Variants in HSPG2 observed in about 807,000 individuals in gnomAD.
HSPG2 encodes the protein heparan sulfate proteoglycan 2, also known as basement membrane-specific heparan sulfate proteoglycan core protein.
A neutral mutation model predicts 526.6 loss-of-function variants in HSPG2; 278 were observed. The ratio of observed to expected loss-of-function variants is 0.53; its 90% CI spans 0.48 to 0.58. The LOEUF (loss-of-function observed/expected upper bound fraction) is 0.58. Among genes scored for constraint, HSPG2 ranks in the 20% least tolerant of loss-of-function variants. HSPG2 has a pLI of 0.00. For synonymous variants in HSPG2, 2,465 were observed against 2,555.4 expected (o/e 0.96, Z 1.07); for missense variants, 5,354 against 6,099.5 (o/e 0.88, Z 4.07).
chr1:21,842,221 G>A lies in HSPG2; in HGVS notation c.9052+18C>T, dbSNP rs926308572. The A allele has an allele frequency of 1.2e-6, 2 of 1,613,236 alleles. No individual in the cohort carries two copies. Among genetic ancestry groups the A allele is most frequent in the African/African-American group, 1.3e-5 (1 of 75,054 alleles). ...GGCCCTCCCTTCCCCCCTTGCCCAT[G>A]GCATCTGCCATACTCACGGTAGGAA... On this transcript the variant is annotated intron_variant, in intron 68 of 96. Transcript: ENST00000374695.
Position 21,890,780 on chromosome 1 carries a change from G to A in HSPG2, c.245-86C>T, listed in dbSNP as rs996758171. On this transcript the variant is annotated intron_variant, in intron 3 of 96. Coordinates refer to ENST00000374695, the MANE Select transcript of HSPG2 (RefSeq NM_005529.7). The surrounding 1 kb of genome is among the most constrained non-coding windows in gnomAD (Gnocchi z 4.1). ...AGTTGGACCATTCAGGCAGAGTTGG[G>A]GGGATGGCCCCCAGAGGCCTCCCTC... 3 of 1,014,104 alleles carry A rather than the reference G, an allele frequency of 3.0e-6. No homozygotes were observed. The highest frequency in any genetic ancestry group is 4.6e-6 in the Non-Finnish European group (3 of 653,900). The allele number at this position is 1,014,104 out of a possible 1,614,324, so 62.8% of individuals were successfully genotyped here. A position where few individuals can be genotyped will look rare whatever the true frequency, so the allele number is the denominator to read the frequency against.
In HSPG2 at chr1:21,873,819, G is replaced by A. The variant is rs928782702; in HGVS notation, c.3743+106C>T. On this transcript the variant is annotated intron_variant, in intron 29 of 96. Coordinates refer to ENST00000374695, the MANE Select transcript of HSPG2 (RefSeq NM_005529.7). ...CTGGGGCCTGTGCGAGGTTAAGAGC[G>A]AGAGGCATCCCTGATTCCTCTGGGT... 19 of 944,744 alleles carry A rather than the reference G, an allele frequency of 2.0e-5. No individual in the cohort carries two copies. In the Admixed American group the frequency reaches 3.3e-4, roughly 17 times the overall value. The allele number at this position is 944,744 out of a possible 1,614,324, so 58.5% of individuals were successfully genotyped here. A position where few individuals can be genotyped will look rare whatever the true frequency, so the allele number is the denominator to read the frequency against.
rs1418143122 is a variant in HSPG2 at position 21,904,353 on chromosome 1, C to T, written c.64-8043G>A. ...GGAAGGGCACACGCTGAGGCCAGGGCTGGAGAGGGCACGGCACGTTCGCGG... is the reference window on the plus strand; with the variant it reads ...GGAAGGGCACACGCTGAGGCCAGGGTTGGAGAGGGCACGGCACGTTCGCGG... On this transcript the variant is annotated intron_variant, in intron 1 of 96. Transcript: ENST00000374695. This position sits in a 1 kb window ranked among gnomAD's most constrained non-coding sequence, Gnocchi z 4.4. Among the ~76,000 whole-genome samples the T allele has an allele frequency of 1.3e-5, 2 of 152,062 alleles. No individual in the cohort carries two copies. The highest frequency in any genetic ancestry group is 2.4e-5 in the African/African-American group (1 of 41,394).
chr1:21,827,809 A>G, intron 91 of HSPG2, 54 bp downstream of exon 91: 1 of 1,527,002 alleles, frequency 6.5e-7, no homozygotes, highest in Non-Finnish European at 8.9e-7. Flanking sequence ...GTGTGGGGTA[A>G]CTGGAAGAGT....
chr1:21,855,480 G>T (rs1473468120), intron 46 of HSPG2, 34 bp from the exon 47 acceptor site: 1 of 1,612,392 alleles, frequency 6.2e-7, no homozygotes, highest in Non-Finnish European at 8.5e-7. Flanking sequence ...CACGCCCTGG[G>T]CTGAGCACAC....
chr1:21,839,040 G>A lies in HSPG2; in HGVS notation c.9935C>T (p.Ala3312Val). 6.3e-7 allele frequency: 1 copy of A among 1,599,698 alleles called. No individual in the cohort carries two copies. Among genetic ancestry groups the A allele is most frequent in the Non-Finnish European group, 8.6e-7 (1 of 1,168,786 alleles). The change falls in exon 74 of 97, where the codon GCA becomes GTA. Residue 3312 changes from alanine (A) to valine (V), a missense_variant. By Grantham distance (64) the Ala-to-Val change is moderately conservative (BLOSUM62 0). Transcript: ENST00000374695. The surrounding 1 kb of genome is among the most constrained non-coding windows in gnomAD (Gnocchi z 4.5). Reference sequence around the variant, plus strand: ...GCACTGGAGCTGCACCGTCTCCCCTGCCTGCACCGAAGCGTGCTCTGGGAC... The same window carrying A: ...GCACTGGAGCTGCACCGTCTCCCCTACCTGCACCGAAGCGTGCTCTGGGAC... ...TTVPEHASVQ[A>V]GETVQLQCLA...
At chr1:21,905,624 C>A (rs1220123842) in intron 1 of HSPG2, among the ~76,000 whole-genome samples, 1 of 152,218 alleles carries the variant, frequency 6.6e-6, no homozygotes, top group Non-Finnish European at 1.5e-5. Context: ...CGCCTGTAAT[C>A]CCAGCTACTT....
At chr1:21,842,664 C>G in intron 67 of HSPG2, 106 bp downstream of exon 67, 1 of 1,470,850 alleles carries the variant, frequency 6.8e-7, no homozygotes, top group Non-Finnish European at 9.4e-7. Flanking sequence ...ATTTTATCCC[C>G]TGGGGTCCCC....
chr1:21,876,123 GTA>G lies in HSPG2; in HGVS notation c.3004-83_3004-82del, dbSNP rs1440246489. The G allele has an allele frequency of 1.9e-6, 3 of 1,576,904 alleles. No individual in the cohort carries two copies. The African/African-American group carries it at 4.0e-5, about 21-fold the overall frequency. On this transcript the variant is annotated intron_variant, in intron 23 of 96. Coordinates refer to ENST00000374695, the MANE Select transcript of HSPG2 (RefSeq NM_005529.7). ...GCTCCAGCCACCTTTTCCATGCAGT[GTA>G]TCTCACTATTCTCCCAAGGCACCAC...
chr1:21,826,667 G>A (rs760115376), intron 91 of HSPG2, among the ~76,000 whole-genome samples: 10 of 152,028 alleles, frequency 6.6e-5, no homozygotes, highest in East Asian at 2.0e-4. Context: ...GTGCCACCAC[G>A]CCCAGCTAAT....
chr1:21,874,154 G>A (rs892206258), intron 28 of HSPG2, 143 bp from the exon 29 acceptor site: 12 of 839,940 alleles, frequency 1.4e-5, no homozygotes, highest in Admixed American at 1.3e-4. Context: ...GCCTGGCACT[G>A]TGCTAAGAGT....
rs935526623 is a variant in HSPG2 at position 21,934,338 on chromosome 1, T to C, written c.63+2817A>G. On this transcript the variant is annotated intron_variant, in intron 1 of 96. Transcript: ENST00000374695. ...GTGTGCTGGGAGCCTGGGCTAGGAA[T>C]TGATCTCATTTTTGACTTGCAACAA... Among the ~76,000 whole-genome samples, 6 of 152,322 alleles carry C rather than the reference T, an allele frequency of 3.9e-5. 1 individual carries two copies. In the South Asian group the frequency reaches 6.2e-4, roughly 16 times the overall value.
At chr1:21,873,620 C>G (rs570025925) in intron 29 of HSPG2, among the ~76,000 whole-genome samples, 196 bp from the exon 30 acceptor site, 1 of 152,304 alleles carries the variant, frequency 6.6e-6, no homozygotes, top group African/African-American at 2.4e-5. Flanking sequence ...TGAATTGGGG[C>G]AGGTAGGAAC....
chr1:21,890,103 C>A lies in HSPG2; in HGVS notation c.452G>T (p.Gly151Val), dbSNP rs761838985. 6.2e-7 allele frequency: 1 copy of A among 1,614,080 alleles called. No individual in the cohort carries two copies. The highest frequency in any genetic ancestry group is 2.2e-5 in the East Asian group (1 of 44,880). Residue 151 changes from glycine (G) to valine (V), a missense_variant, in exon 6 of 97, where the codon GGC becomes GTC. Physicochemically the swap from Gly to Val is moderately radical, Grantham distance 109. Transcript: ENST00000374695. This position sits in a 1 kb window ranked among gnomAD's most constrained non-coding sequence, Gnocchi z 4.1. ...DGWVFVELDV[G>V]SEGNADGAQI... ...AGCCCCATCCGCATTCCCTTCCGAG[C>A]CCACATCCAGCTCCACAAAAACCCA...
At position 21,887,943 on chromosome 1, in the gene HSPG2, T is replaced by C. The variant is rs145221265; in HGVS notation, c.698A>G (p.Asn233Ser). The C allele has an allele frequency of 1.2e-4, 195 of 1,613,994 alleles. 3 individuals are homozygous for C. The African/African-American group carries it at 2.5e-3, about 21-fold the overall frequency. The change falls in exon 7 of 97, where the codon AAT becomes AGT. Residue 233 changes from asparagine (N) to serine (S), a missense_variant. By Grantham distance (46) the Asn-to-Ser change is conservative (BLOSUM62 1). Transcript: ENST00000374695. The surrounding 1 kb of genome is among the most constrained non-coding windows in gnomAD (Gnocchi z 5.0). ...GGCCCCGGACATCCCCTCACCACAA[T>C]TGAGCTCATCAGACATGTCCCTGCA... The part of the protein sequence containing the change: ...PDCRDMSDEL[N>S]CEEPVLGISP...
chr1:21,899,050 C>T (rs934510486), intron 1 of HSPG2, among the ~76,000 whole-genome samples: 3 of 152,088 alleles, frequency 2.0e-5, no homozygotes, highest in Non-Finnish European at 2.9e-5. Context: ...GGCCAGAGCA[C>T]GTCGGGACTT....
At chr1:21,866,311 A>G (rs531384407) in intron 33 of HSPG2, among the ~76,000 whole-genome samples, 4 of 152,156 alleles carry the variant, frequency 2.6e-5, no homozygotes, top group Non-Finnish European at 5.9e-5. Flanking sequence ...TATAAAGAAC[A>G]ACTGTCTCCG....
chr1:21,852,906 G>A lies in HSPG2; in HGVS notation c.6591+13C>T. 6.2e-7 allele frequency: 1 copy of A among 1,612,376 alleles called. No homozygotes were observed. The highest frequency in any genetic ancestry group is 2.2e-5 in the East Asian group (1 of 44,874). ...AGCCCCTCCAGCAAGGTGGTCCCGG[G>A]GGGCTGCCATACCTGGTGCCGGGCA... On this transcript the variant is annotated intron_variant, in intron 51 of 96. Coordinates refer to ENST00000374695, the MANE Select transcript of HSPG2 (RefSeq NM_005529.7).
At position 21,890,377 on chromosome 1, in the gene HSPG2, C is replaced by T; in HGVS notation, c.413+50G>A. On this transcript the variant is annotated intron_variant, in intron 5 of 96. Transcript: ENST00000374695. This position sits in a 1 kb window ranked among gnomAD's most constrained non-coding sequence, Gnocchi z 4.1. Reference sequence around the variant, plus strand: ...CCTTCCCATCCTCATCAGCCCCCTCCAGGTTACCCGCTCAAGTCCCCCAGC... The same window carrying T: ...CCTTCCCATCCTCATCAGCCCCCTCTAGGTTACCCGCTCAAGTCCCCCAGC... The T allele has an allele frequency of 1.3e-6, 2 of 1,571,450 alleles. No individual in the cohort carries two copies. The highest frequency in any genetic ancestry group is 1.8e-6 in the Non-Finnish European group (2 of 1,141,430).
Sources: allele counts gnomAD v4.1 joint callset (sites outside exome capture counted in the v4.1 genomes callset), GRCh38; gene constraint gnomAD v4.1.1; non-coding constraint Gnocchi (gnomAD v3.1); transcripts MANE v1.5; gene names NCBI Gene and HGNC (gene_info 2026-07-23, HGNC 2026-07-21).